Variants in TTC13 observed in about 807,000 individuals in gnomAD.
TTC13 encodes tetratricopeptide repeat domain 13, also known as tetratricopeptide repeat protein 13.
TTC13 carries 62 observed loss-of-function variants against 120.0 expected under a neutral mutation model. The observed-to-expected ratio is 0.52, with a 90% CI of 0.42 to 0.64. The LOEUF (loss-of-function observed/expected upper bound fraction) is 0.64. TTC13 is among the 30% of genes least tolerant of loss of function. The probability of loss-of-function intolerance (pLI) is 0.00; values close to 1 mark genes in which losing one functional copy is unlikely to be tolerated. For synonymous variants in TTC13, 384 were observed against 393.5 expected (o/e 0.98, Z 0.28); for missense variants, 824 against 1,050.2 (o/e 0.78, Z 2.98).
chr1:230,945,514 G>A, intron 4 of TTC13, 60 bp from the exon 5 acceptor site: 1 of 1,520,294 alleles, frequency 6.6e-7, no homozygotes, highest in Non-Finnish European at 9.1e-7. Flanking sequence ...CAAAAAATCA[G>A]TTTCTGCTTA....
rs569889385 is a variant in TTC13, at chr1:230,947,169, A to T, written c.514-1715T>A. Among the ~76,000 whole-genome samples the T allele has an allele frequency of 4.6e-5, 7 of 152,242 alleles. No homozygotes were observed. In the South Asian group the frequency reaches 1.2e-3, roughly 27 times the overall value. On this transcript the variant is annotated intron_variant, in intron 4 of 22. Coordinates refer to ENST00000366661, the MANE Select transcript of TTC13 (RefSeq NM_024525.5). ...GAAAATGAAGAAAAGCACCAAGCAGAAAGTAAAGGAGCCCTATAAGCCTGC... is the reference window on the plus strand; with the variant it reads ...GAAAATGAAGAAAAGCACCAAGCAGTAAGTAAAGGAGCCCTATAAGCCTGC...
At chr1:230,919,471 C>A (rs915780392) in intron 17 of TTC13, among the ~76,000 whole-genome samples, 1 of 152,182 alleles carries the variant, frequency 6.6e-6, no homozygotes, top group Admixed American at 6.5e-5. Flanking sequence ...CTCCACCTCC[C>A]AACATATGTG....
In TTC13 at chr1:230,933,773, A is replaced by G. The variant is rs1362874728; in HGVS notation, c.983+6T>C. ...CTCCTACCCCAACTGTTATTATTTT[A>G]CTCACCTATATGCCTGCCCTAGACT... On this transcript the variant is annotated splice_donor_region_variant and intron_variant, in intron 9 of 22. Coordinates refer to ENST00000366661, the MANE Select transcript of TTC13 (RefSeq NM_024525.5). 1 of 1,563,382 alleles carries G rather than the reference A, an allele frequency of 6.4e-7. No individual in the cohort carries two copies. The highest frequency in any genetic ancestry group is 1.8e-5 in the Admixed American group (1 of 55,588).
intron 18 of TTC13, 53 bp downstream of exon 18, chr1:230,916,140 G>T: frequency 7.6e-7 from 1 of 1,318,230 alleles, no homozygotes; most frequent in Non-Finnish European, 1.1e-6. Flanking sequence ...ATAAGCACAG[G>T]CACCCTTCCT....
rs115873458 is a variant in TTC13, at chr1:230,930,391, C to A, written c.1300+907G>T. 7.4e-3 allele frequency among the ~76,000 whole-genome samples: 1,125 copies of A among 152,208 alleles called. 12 individuals are homozygous for A. Among genetic ancestry groups the A allele is most frequent in the African/African-American group, 0.025 (1,057 of 41,536 alleles). ...AATTTAAAATTACACACACAGCTTT[C>A]CCCTTTTTTTTATTTTGGACAGTCA... On this transcript the variant is annotated intron_variant, in intron 11 of 22. Coordinates refer to ENST00000366661, the MANE Select transcript of TTC13 (RefSeq NM_024525.5).
At position 230,924,721 on chromosome 1, in the gene TTC13, T is replaced by C. The variant is rs1672901904; in HGVS notation, c.1721+120A>G. Reference sequence around the variant, plus strand: ...CTAACAAACTTTAGAGAGGAAAACCTAACTTGGAAGGCCTGGTGTTAGCAA... The same window carrying C: ...CTAACAAACTTTAGAGAGGAAAACCCAACTTGGAAGGCCTGGTGTTAGCAA... On this transcript the variant is annotated intron_variant, in intron 14 of 22. Coordinates refer to ENST00000366661, the MANE Select transcript of TTC13 (RefSeq NM_024525.5). 3.5e-6 allele frequency: 4 copies of C among 1,134,122 alleles called. No homozygotes were observed. The South Asian group carries it at 4.3e-5, about 12-fold the overall frequency. The allele number at this position is 1,134,122 out of a possible 1,614,324, so 70.3% of individuals were successfully genotyped here. A position where few individuals can be genotyped will look rare whatever the true frequency, so the allele number is the denominator to read the frequency against.
intron 4 of TTC13, among the ~76,000 whole-genome samples, chr1:230,952,251 T>C (rs760554832): frequency 6.6e-6 from 1 of 152,168 alleles, no homozygotes; most frequent in Non-Finnish European, 1.5e-5. Flanking sequence ...ATTATTCTTG[T>C]TTACCCATGT....
At chr1:230,946,116 T>TC (rs1674972054) in intron 4 of TTC13, among the ~76,000 whole-genome samples, 1 of 152,210 alleles carries the variant, frequency 6.6e-6, no homozygotes, top group South Asian at 2.1e-4. Flanking sequence ...GGCCATTGAG[T>TC]CCTTACACAC....
At position 230,911,494 on chromosome 1, in the gene TTC13, A is replaced by G. The variant is rs1671494602; in HGVS notation, c.2285T>C (p.Leu762Ser). Residue 762 changes from leucine to serine, a missense_variant, in exon 20 of 23, where the codon TTA becomes TCA. Transcript: ENST00000366661. ...ILSLVYYFYN[L>S]MPLSRGSSVI... ...CCTGGATCCTCGAGAGAGTGGCATTAAATTATAAAAGTAATAAACTAAGGA... is the reference window on the plus strand; with the variant it reads ...CCTGGATCCTCGAGAGAGTGGCATTGAATTATAAAAGTAATAAACTAAGGA... The G allele has an allele frequency of 6.2e-7, 1 of 1,603,162 alleles. No individual in the cohort carries two copies. The highest frequency in any genetic ancestry group is 1.3e-5 in the African/African-American group (1 of 74,346).
chr1:230,929,063 T>C lies in TTC13; in HGVS notation c.1331A>G (p.Asp444Gly). Residue 444 changes from aspartate (D) to glycine (G), a missense_variant, in exon 12 of 23, where the codon GAT becomes GGT. Around this residue, in one of 4 missense-constraint regions of TTC13, gnomAD observed 430 missense variants for 626.8 expected, o/e 0.69. Coordinates refer to ENST00000366661, the MANE Select transcript of TTC13 (RefSeq NM_024525.5). ...EYSRYLHAHLDTPLTEYNIDV... is the reference protein window; with the variant it reads ...EYSRYLHAHLGTPLTEYNIDV... Reference sequence around the variant, plus strand: ...AATGTTATATTCCGTAAGGGGGGTATCAAGGTGTGCATGAAGATATCGAGA... The same window carrying C: ...AATGTTATATTCCGTAAGGGGGGTACCAAGGTGTGCATGAAGATATCGAGA... The C allele has an allele frequency of 6.2e-7, 1 of 1,614,152 alleles. No homozygotes were observed. The highest frequency in any genetic ancestry group is 1.1e-5 in the South Asian group (1 of 91,076).
At chr1:230,926,577 T>G (rs1673072771) in intron 12 of TTC13, among the ~76,000 whole-genome samples, 1 of 152,122 alleles carries the variant, frequency 6.6e-6, no homozygotes, top group Non-Finnish European at 1.5e-5. Flanking sequence ...AGGAATCCCC[T>G]CGAAATCCAA....
chr1:230,908,182 A>G (rs1263564340), intron 22 of TTC13, among the ~76,000 whole-genome samples: 1 of 152,140 alleles, frequency 6.6e-6, no homozygotes, highest in Non-Finnish European at 1.5e-5. Context: ...CTACTTTTTA[A>G]ATTTTTTATT....
intron 2 of TTC13, among the ~76,000 whole-genome samples, 186 bp from the exon 3 acceptor site, chr1:230,958,485 G>A (rs1405434981): frequency 6.6e-6 from 1 of 152,196 alleles, no homozygotes; most frequent in Non-Finnish European, 1.5e-5. Context: ...GATGACGAGA[G>A]GGAAACTCTT....
At chr1:230,925,091 T>C (rs1440365362) in intron 13 of TTC13, 118 bp from the exon 14 acceptor site, 3 of 1,303,454 alleles carry the variant, frequency 2.3e-6, no homozygotes, top group Non-Finnish European at 2.2e-6. Context: ...GAAGTATTGG[T>C]GATATAACAA....
At chr1:230,955,003 G>A (rs538689998) in intron 3 of TTC13, among the ~76,000 whole-genome samples, 13 of 152,232 alleles carry the variant, frequency 8.5e-5, no homozygotes, top group African/African-American at 3.1e-4. Flanking sequence ...ATACACTAAA[G>A]ATGAACCACT....
chr1:230,922,351 C>T (rs1245504367), intron 15 of TTC13, among the ~76,000 whole-genome samples: 1 of 152,172 alleles, frequency 6.6e-6, no homozygotes, highest in Admixed American at 6.5e-5. Flanking sequence ...TCCACCTGAA[C>T]AACTACACAA....
chr1:230,909,992 A>G (rs1558160034), intron 20 of TTC13, among the ~76,000 whole-genome samples: 1 of 152,204 alleles, frequency 6.6e-6, no homozygotes, highest in Non-Finnish European at 1.5e-5. Flanking sequence ...GCAAAAGGCC[A>G]TGGGACCCAC....
chr1:230,937,862 G>A (rs1674206330), intron 8 of TTC13, among the ~76,000 whole-genome samples: 1 of 152,186 alleles, frequency 6.6e-6, no homozygotes, highest in Admixed American at 6.5e-5. Context: ...CCACTTTATA[G>A]ACATGGAAGG....
intron 4 of TTC13, among the ~76,000 whole-genome samples, chr1:230,949,851 A>G (rs9431918): frequency 0.053 from 8,021 of 152,090 alleles, 401 homozygotes; most frequent in African/African-American, 0.13. Context: ...GGGTTTCACC[A>G]TGTTAGCCAG....
Sources: allele counts gnomAD v4.1 joint callset (sites outside exome capture counted in the v4.1 genomes callset), GRCh38; gene constraint gnomAD v4.1.1; regional missense constraint gnomAD v4.1.1; transcripts MANE v1.5; gene names NCBI Gene and HGNC (gene_info 2026-07-23, HGNC 2026-07-21).